The following TLL1 variants were observed in gnomAD, a reference collection of about 807,000 sequenced individuals.
The protein encoded by TLL1 is tolloid-like protein 1.
A neutral mutation model predicts 128.2 loss-of-function variants in TLL1; 49 were observed. The ratio of observed to expected loss-of-function variants is 0.38; its 90% CI spans 0.30 to 0.48. The LOEUF is 0.48. Among genes scored for constraint, TLL1 ranks in the 20% least tolerant of loss-of-function variants. The pLI is 0.96. For synonymous variants in TLL1, 454 were observed against 418.8 expected (o/e 1.08, Z -1.03); for missense variants, 1,123 against 1,242.0 (o/e 0.90, Z 1.44).
chr4:166,073,367 T>G (rs1740877846), intron 16 of TLL1, among the ~76,000 whole-genome samples: 1 of 152,126 alleles, frequency 6.6e-6, no homozygotes, highest in African/African-American at 2.4e-5. Context: ...GGAATAGGAG[T>G]TCAAAATTAT....
intron 16 of TLL1, among the ~76,000 whole-genome samples, chr4:166,074,547 A>C (rs1740935138): frequency 6.6e-6 from 1 of 152,022 alleles, no homozygotes; most frequent in Non-Finnish European, 1.5e-5. Flanking sequence ...AATTGGCAAT[A>C]AATGTTTAGG....
chr4:166,090,121 G>T (rs1360418197), intron 18 of TLL1, among the ~76,000 whole-genome samples: 3 of 151,980 alleles, frequency 2.0e-5, no homozygotes. Flanking sequence ...TTGTTGGAGG[G>T]ATTATAGCAA....
chr4:166,087,286 A>G (rs1298509790), intron 18 of TLL1, among the ~76,000 whole-genome samples: 1 of 152,138 alleles, frequency 6.6e-6, no homozygotes, highest in Non-Finnish European at 1.5e-5. Context: ...TATATATGGG[A>G]TATTTAAAAA....
In TLL1 at chr4:165,873,849, A is replaced by T; in HGVS notation, c.-56A>T. ...CCCCTAGCCCCGCACATCAGCGCGG[A>T]CCGCGGCTGCCTAACCTCTGGGTCC... On this transcript the variant is annotated 5_prime_UTR_variant, in exon 1 of 21. Transcript: ENST00000061240. 6.2e-7 allele frequency: 1 copy of T among 1,604,932 alleles called. No homozygotes were observed. The highest frequency in any genetic ancestry group is 1.1e-5 in the South Asian group (1 of 90,724).
chr4:165,931,251 G>C (rs1478879896), intron 1 of TLL1, among the ~76,000 whole-genome samples: 4 of 152,180 alleles, frequency 2.6e-5, no homozygotes. Flanking sequence ...ATAGAGAATA[G>C]TTTTAATAGC....
chr4:165,955,096 A>T (rs1409872944), intron 1 of TLL1, among the ~76,000 whole-genome samples: 2 of 152,172 alleles, frequency 1.3e-5, no homozygotes, highest in Non-Finnish European at 2.9e-5. Flanking sequence ...GAACTCTGGT[A>T]TTGAAAATTT....
In TLL1 at chr4:166,028,159, T is replaced by G. The variant is rs555364312; in HGVS notation, c.1158+2728T>G. 2.2e-4 allele frequency among the ~76,000 whole-genome samples: 33 copies of G among 152,194 alleles called. 1 individual carries two copies. Among genetic ancestry groups the G allele is most frequent in the Middle Eastern group, 6.8e-3 (2 of 294 alleles). ...TAACTCATTAATTTCAAGCATCTTT[T>G]CTTTTCCAAAGCAGACACTGAAGGC... On this transcript the variant is annotated intron_variant, in intron 9 of 20. Transcript: ENST00000061240.
chr4:165,892,360 G>C (rs1014243287), intron 1 of TLL1, among the ~76,000 whole-genome samples: 2 of 152,092 alleles, frequency 1.3e-5, no homozygotes, highest in African/African-American at 4.8e-5. Flanking sequence ...TCAATTTATG[G>C]CAATGTACCT....
intron 16 of TLL1, among the ~76,000 whole-genome samples, chr4:166,066,360 C>A (rs1740576084): frequency 1.3e-5 from 2 of 151,526 alleles, no homozygotes; most frequent in Admixed American, 6.6e-5. Context: ...TTAGTTTAAG[C>A]AGCTCAAAGT....
At chr4:166,062,882 A>C (rs1249030106) in intron 15 of TLL1, among the ~76,000 whole-genome samples, 3 of 152,152 alleles carry the variant, frequency 2.0e-5, no homozygotes, top group Non-Finnish European at 4.4e-5. Flanking sequence ...TATTATTTTG[A>C]GATACATCCC....
At chr4:165,963,043 A>G (rs1735190541) in intron 1 of TLL1, among the ~76,000 whole-genome samples, 1 of 117,452 alleles carries the variant, frequency 8.5e-6, no homozygotes, top group Non-Finnish European at 1.6e-5. Context: ...TGACAGAGCG[A>G]GGCTCTGTCT....
chr4:165,959,226 T>C (rs1444629729), intron 1 of TLL1, among the ~76,000 whole-genome samples: 1 of 152,068 alleles, frequency 6.6e-6, no homozygotes, highest in Non-Finnish European at 1.5e-5. Context: ...AACTTTAAAG[T>C]AGTTTTTTCC....
chr4:166,084,002 C>A (rs995325234), intron 18 of TLL1, among the ~76,000 whole-genome samples: 1 of 152,102 alleles, frequency 6.6e-6, no homozygotes, highest in African/African-American at 2.4e-5. Context: ...ACATTCCCAA[C>A]AACAGTATGC....
intron 5 of TLL1, 73 bp from the exon 6 acceptor site, chr4:166,003,318 A>C: frequency 2.0e-6 from 3 of 1,528,920 alleles, no homozygotes; most frequent in East Asian, 2.3e-5. Flanking sequence ...TATTCTTTAC[A>C]AAAAATTCAC....
rs367696453 is a variant in TLL1 at position 165,990,476 on chromosome 4, T to C, written c.280+985T>C. On this transcript the variant is annotated intron_variant, in intron 2 of 20. Coordinates refer to ENST00000061240, the MANE Select transcript of TLL1 (RefSeq NM_012464.5). ...ATTTACTTTTTTTGCCACTTTTTAC[T>C]ATGACCAGTTTTAAATATATCGAAA... Among the ~76,000 whole-genome samples, 6 of 152,156 alleles carry C rather than the reference T, an allele frequency of 3.9e-5. No homozygotes were observed. The East Asian group carries it at 9.7e-4, about 24-fold the overall frequency.
chr4:166,035,756 C>T (rs1214674916), intron 9 of TLL1, among the ~76,000 whole-genome samples: 2 of 152,064 alleles, frequency 1.3e-5, no homozygotes, highest in African/African-American at 2.4e-5. Flanking sequence ...GCAGGCTGTA[C>T]AGTATTTGTC....
chr4:166,014,831 A>G (rs1737863068), intron 8 of TLL1, among the ~76,000 whole-genome samples: 1 of 152,006 alleles, frequency 6.6e-6, no homozygotes. Context: ...GCAAAATAGA[A>G]TGGTTGCTTG....
chr4:166,099,568 G>A, intron 20 of TLL1, 41 bp downstream of exon 20: 1 of 1,587,122 alleles, frequency 6.3e-7, no homozygotes, highest in South Asian at 1.1e-5. Flanking sequence ...CATGATTAAA[G>A]ATGCCTATTG....
intron 1 of TLL1, among the ~76,000 whole-genome samples, chr4:165,888,879 C>T (rs1334961204): frequency 6.6e-6 from 1 of 152,128 alleles, no homozygotes; most frequent in Admixed American, 6.6e-5. Flanking sequence ...GTGGGCCTTG[C>T]CCTATGTCTT....
Sources: gnomAD v4.1 joint callset for allele counts (sites outside exome capture counted in the v4.1 genomes callset) on GRCh38, gnomAD v4.1.1 for gene constraint, MANE v1.5 for transcripts, NCBI Gene and HGNC (gene_info 2026-07-23, HGNC 2026-07-21) for gene names.